Variants in NXPH1 observed in about 807,000 individuals in gnomAD.
The protein encoded by NXPH1 is neurexophilin-1.
In NXPH1, 5 loss-of-function variants were observed where a neutral mutation model predicts 23.7. That is an observed-to-expected ratio of 0.21 (90% CI 0.11 to 0.44). The LOEUF (loss-of-function observed/expected upper bound fraction) is 0.44. NXPH1 is among the 20% of genes least tolerant of loss of function. NXPH1 has a pLI of 0.99. For synonymous variants in NXPH1, 144 were observed against 122.2 expected, an observed-to-expected ratio of 1.18 and a Z score of -1.18; for missense variants, 324 against 321.6, an observed-to-expected ratio of 1.01 and a Z score of -0.06.
intron 2 of NXPH1, among the ~76,000 whole-genome samples, chr7:8,460,987 T>G (rs1816685172): frequency 6.6e-6 from 1 of 152,236 alleles, no homozygotes; most frequent in African/African-American, 2.4e-5. Flanking sequence ...TATTTGTGTT[T>G]GGATCTTTTC....
chr7:8,561,253 G>A (rs67877389), intron 2 of NXPH1, among the ~76,000 whole-genome samples: 77,819 of 150,884 alleles, frequency 0.52, 20,288 homozygotes, highest in East Asian at 0.73. Flanking sequence ...AGGGAGAACC[G>A]CTCACAACTG....
intron 2 of NXPH1, among the ~76,000 whole-genome samples, chr7:8,616,033 A>G (rs912754408): frequency 1.3e-5 from 2 of 152,050 alleles, no homozygotes; most frequent in South Asian, 2.1e-4. Context: ...AAGATAGATT[A>G]TATTAGATCT....
chr7:8,578,304 A>C (rs542277453), intron 2 of NXPH1, among the ~76,000 whole-genome samples: 1 of 152,202 alleles, frequency 6.6e-6, no homozygotes, highest in South Asian at 2.1e-4. Context: ...TTTCCATTGA[A>C]TGTGTCTCCC....
intron 2 of NXPH1, among the ~76,000 whole-genome samples, chr7:8,708,749 T>G (rs1779742019): frequency 6.6e-6 from 1 of 152,222 alleles, no homozygotes; most frequent in Non-Finnish European, 1.5e-5. Flanking sequence ...ATTATCATAC[T>G]ATGAAGAATG....
chr7:8,548,356 T>C (rs568243545), intron 2 of NXPH1, among the ~76,000 whole-genome samples: 5 of 151,654 alleles, frequency 3.3e-5, no homozygotes, highest in East Asian at 3.9e-4. Flanking sequence ...TTTTTTTCTT[T>C]AAGAAAATTT....
At chr7:8,674,211 A>G (rs926084015) in intron 2 of NXPH1, among the ~76,000 whole-genome samples, 1 of 149,692 alleles carries the variant, frequency 6.7e-6, no homozygotes, top group African/African-American at 2.5e-5. Context: ...ACACCTATGC[A>G]ATTCAATCCT....
chr7:8,483,897 A>T (rs1390391131), intron 2 of NXPH1, among the ~76,000 whole-genome samples: 1 of 151,706 alleles, frequency 6.6e-6, no homozygotes, highest in Non-Finnish European at 1.5e-5. Flanking sequence ...TGGTGGAAAT[A>T]ACTGGAAATT....
chr7:8,488,998 T>A (rs1397245242), intron 2 of NXPH1, among the ~76,000 whole-genome samples: 1 of 152,168 alleles, frequency 6.6e-6, no homozygotes, highest in East Asian at 1.9e-4. Context: ...TTGAAGAGTC[T>A]TTGGACTCAA....
chr7:8,733,031 C>T (rs1238281984), intron 2 of NXPH1, among the ~76,000 whole-genome samples: 3 of 151,928 alleles, frequency 2.0e-5, no homozygotes, highest in Non-Finnish European at 2.9e-5. Context: ...TCCCCTAGCC[C>T]CCTACTACCT....
chr7:8,537,485 C>A (rs1818046327), intron 2 of NXPH1, among the ~76,000 whole-genome samples: 1 of 151,860 alleles, frequency 6.6e-6, no homozygotes, highest in South Asian at 2.1e-4. Flanking sequence ...GGGGGAAAAG[C>A]CTCTTATAAA....
intron 2 of NXPH1, among the ~76,000 whole-genome samples, chr7:8,732,738 T>G (rs942343485): frequency 6.6e-6 from 1 of 152,264 alleles, no homozygotes. Flanking sequence ...TATAAGCTAT[T>G]TTTTTCTGGG....
intron 2 of NXPH1, among the ~76,000 whole-genome samples, chr7:8,615,688 G>T: frequency 6.6e-6 from 1 of 151,808 alleles, no homozygotes; most frequent in Admixed American, 6.6e-5. Flanking sequence ...AGAACCAAAG[G>T]TATTCTATGC....
intron 2 of NXPH1, among the ~76,000 whole-genome samples, chr7:8,725,854 AGTT>A (rs1278130758): frequency 5.8e-5 from 6 of 103,604 alleles, no homozygotes; most frequent in African/African-American, 2.3e-4. Flanking sequence ...GCACCTGGAA[AGTT>A]CTGAGCACTG....
chr7:8,442,594 A>C lies in NXPH1; in HGVS notation c.54+6827A>C, dbSNP rs986459815. The stretch of plus-strand genomic sequence containing the variant: ...CTTCGTCTTCTACAAGAAGCAAGAA[A>C]CTTTTTTCGACGTAGGCTTCATACC... On this transcript the variant is annotated intron_variant, in intron 2 of 2. Transcript: ENST00000405863. This position sits in a 1 kb window ranked among gnomAD's most constrained non-coding sequence, Gnocchi z 4.6. Among the ~76,000 whole-genome samples the C allele has an allele frequency of 6.6e-6, 1 of 152,186 alleles. No individual in the cohort carries two copies. Among genetic ancestry groups the C allele is most frequent in the African/African-American group, 2.4e-5 (1 of 41,448 alleles).
chr7:8,579,598 C>G (rs912115993), intron 2 of NXPH1, among the ~76,000 whole-genome samples: 1 of 152,132 alleles, frequency 6.6e-6, no homozygotes, highest in Non-Finnish European at 1.5e-5. Flanking sequence ...TCTCAAACTC[C>G]TGACCTCAGA....
At chr7:8,480,689 G>T (rs966854231) in intron 2 of NXPH1, among the ~76,000 whole-genome samples, 2 of 152,126 alleles carry the variant, frequency 1.3e-5, no homozygotes, top group Non-Finnish European at 2.9e-5. Context: ...CCAGAACCTA[G>T]AGTTGATCTT....
At chr7:8,687,303 G>A (rs994274974) in intron 2 of NXPH1, among the ~76,000 whole-genome samples, 1 of 151,894 alleles carries the variant, frequency 6.6e-6, no homozygotes, top group Non-Finnish European at 1.5e-5. Flanking sequence ...AGGAGCAGGG[G>A]GACTCCAAGA....
chr7:8,525,578 A>T (rs1439062858), intron 2 of NXPH1, among the ~76,000 whole-genome samples: 4 of 152,110 alleles, frequency 2.6e-5, no homozygotes, highest in African/African-American at 9.7e-5. Flanking sequence ...GAGGCCCAGG[A>T]GGAAAAAGTG....
At chr7:8,701,194 A>G (rs1480854305) in intron 2 of NXPH1, among the ~76,000 whole-genome samples, 1 of 151,896 alleles carries the variant, frequency 6.6e-6, no homozygotes, top group Non-Finnish European at 1.5e-5. Context: ...GTTTTCCATA[A>G]CTCCTGCTTC....
Sources: allele counts gnomAD v4.1 joint callset (sites outside exome capture counted in the v4.1 genomes callset), GRCh38; gene constraint gnomAD v4.1.1; non-coding constraint Gnocchi (gnomAD v3.1); transcripts MANE v1.5; gene names NCBI Gene and HGNC (gene_info 2026-07-23, HGNC 2026-07-21).